MYO7A: variants seen among roughly 807,000 people sequenced by gnomAD.
The protein encoded by MYO7A is unconventional myosin-VIIa.
A neutral mutation model predicts 263.8 loss-of-function variants in MYO7A; 210 were observed. The ratio of observed to expected loss-of-function variants is 0.80; its 90% CI spans 0.71 to 0.89. MYO7A has a LOEUF of 0.89. Ranked by LOEUF, MYO7A falls within the 40% of genes least tolerant of loss-of-function variation. The pLI is 0.00. For missense variants in MYO7A, 2,820 were observed against 2,968.3 expected (o/e 0.95, Z 1.16); for synonymous variants, 1,239 against 1,197.3 (o/e 1.03, Z -0.72).
intron 2 of MYO7A, among the ~76,000 whole-genome samples, chr11:77,131,184 C>T (rs1436510426): frequency 6.6e-6 from 1 of 152,134 alleles, no homozygotes; most frequent in Admixed American, 6.5e-5. Flanking sequence ...AGCCCTTCCC[C>T]GTGATCAGTC....
rs782468791 is a variant in MYO7A, at chr11:77,184,847, T to C, written c.3503+132T>C. On this transcript the variant is annotated intron_variant, in intron 27 of 48. Transcript: ENST00000409709. Reference sequence around the variant, plus strand: ...TTCGCTGCTAGCTAGTTGGTGGAGTTAGGACCTTGGTGGAGTTATTTCATC... The same window carrying C: ...TTCGCTGCTAGCTAGTTGGTGGAGTCAGGACCTTGGTGGAGTTATTTCATC... 3.5e-6 allele frequency: 5 copies of C among 1,432,858 alleles called. No homozygotes were observed. The East Asian group carries it at 1.2e-4, about 35-fold the overall frequency. The allele number at this position is 1,432,858 out of a possible 1,614,324, so 88.8% of individuals were successfully genotyped here.
chr11:77,206,943 T>G, intron 41 of MYO7A: 1 of 197,398 alleles, frequency 5.1e-6, no homozygotes. Context: ...CCCTCCGCTT[T>G]TGGGTTTGCT....
intron 2 of MYO7A, among the ~76,000 whole-genome samples, chr11:77,141,552 GAATAA>G (rs1217295639): frequency 6.6e-6 from 1 of 152,160 alleles, no homozygotes; most frequent in Non-Finnish European, 1.5e-5. Flanking sequence ...ATTAGGATTA[GAATAA>G]AATCTAAGCT....
At chr11:77,157,531 A>C in intron 8 of MYO7A, 139 bp downstream of exon 8, 1 of 632,032 alleles carries the variant, frequency 1.6e-6, no homozygotes, top group South Asian at 2.1e-5. Context: ...CTGGACACCA[A>C]GGAGAAGTGG....
chr11:77,156,712 C>T lies in MYO7A; in HGVS notation c.523C>T (p.Leu175=), dbSNP rs2135235926. 1 of 1,613,990 alleles carries T rather than the reference C, an allele frequency of 6.2e-7. No homozygotes were observed. Among genetic ancestry groups the T allele is most frequent in the Non-Finnish European group, 8.5e-7 (1 of 1,179,896 alleles). Residue 175 remains leucine (L), a synonymous_variant, in exon 6 of 49, where the codon CTG becomes TTG. Coordinates refer to ENST00000409709, the MANE Select transcript of MYO7A (RefSeq NM_000260.4). The part of the protein sequence containing the change: ...TESTKLILQF[L]AAISGQHSWI... ...GAGCACAAAGCTGATCCTGCAGTTC[C>T]TGGCAGCCATCAGTGGGCAGCACTC...
chr11:77,214,461 T>G, intron 48 of MYO7A, 146 bp from the exon 49 acceptor site: 1 of 669,000 alleles, frequency 1.5e-6, no homozygotes, highest in Non-Finnish European at 2.7e-6. Context: ...CCTTCAATTG[T>G]GCAGATGGGA....
intron 47 of MYO7A, among the ~76,000 whole-genome samples, chr11:77,213,396 G>C (rs532060081): frequency 6.6e-5 from 10 of 152,340 alleles, no homozygotes; most frequent in African/African-American, 1.7e-4. Flanking sequence ...CAGAGGGTCC[G>C]ACTGGACAGG....
At chr11:77,140,632 G>C (rs1229318314) in intron 2 of MYO7A, among the ~76,000 whole-genome samples, 2 of 152,198 alleles carry the variant, frequency 1.3e-5, no homozygotes, top group African/African-American at 4.8e-5. Context: ...CAGGCCAGTG[G>C]GGAAGGGGAG....
At chr11:77,201,708 T>C in intron 36 of MYO7A, 70 bp downstream of exon 36, 1 of 1,491,696 alleles carries the variant, frequency 6.7e-7, no homozygotes, top group Admixed American at 1.8e-5. Context: ...TTCCCACAGC[T>C]GTACAATAGG....
intron 30 of MYO7A, 58 bp downstream of exon 30, chr11:77,190,928 G>C (rs913964235): frequency 6.8e-7 from 1 of 1,464,278 alleles, no homozygotes; most frequent in South Asian, 1.3e-5. Flanking sequence ...CCCACTCCGG[G>C]CTGCCAGTGC....
intron 18 of MYO7A, among the ~76,000 whole-genome samples, chr11:77,176,490 G>A (rs1954663824): frequency 6.6e-6 from 1 of 152,198 alleles, no homozygotes; most frequent in South Asian, 2.1e-4. Flanking sequence ...AAACCAGGCA[G>A]CTAGGAAGCA....
At chr11:77,161,193 A>G (rs1167484795) in intron 12 of MYO7A, 78 bp downstream of exon 12, 3 of 1,568,310 alleles carry the variant, frequency 1.9e-6, no homozygotes, top group Non-Finnish European at 2.6e-6. Context: ...TCCCTTGCGA[A>G]GCACATTTAG....
intron 12 of MYO7A, 142 bp downstream of exon 12, chr11:77,161,257 C>T: frequency 1.9e-6 from 2 of 1,063,796 alleles, no homozygotes; most frequent in Non-Finnish European, 2.7e-6. Context: ...GGACCCTCTC[C>T]CTTTCCTTCC....
Position 77,192,965 on chromosome 11 carries a change from A to ATGGAGGTAGTGATGGTGTTGTTGGTGT in MYO7A, c.4152+690_4152+691insAGGTAGTGATGGTGTTGTTGGTGTTGG, listed in dbSNP as rs1956254618. On this transcript the variant is annotated intron_variant, in intron 31 of 48. Transcript: ENST00000409709. The stretch of plus-strand genomic sequence containing the variant: ...GGTGGAGGTAGTGATGGTGTTGGTG[A>ATGGAGGTAGTGATGGTGTTGTTGGTGT]TGGTGGAGGTAGTTGTGATGGTGGA... 1.8e-4 allele frequency among the ~76,000 whole-genome samples: 2 copies of ATGGAGGTAGTGATGGTGTTGTTGGTGT among 11,092 alleles called. 1 individual carries two copies. Among genetic ancestry groups the ATGGAGGTAGTGATGGTGTTGTTGGTGT allele is most frequent in the African/African-American group, 1.0e-3 (2 of 1,930 alleles). The allele number at this position is 11,092 out of a possible 152,430, so 7.3% of individuals were successfully genotyped here.
chr11:77,164,554 C>G (rs1555071345), intron 14 of MYO7A, among the ~76,000 whole-genome samples: 10 of 152,122 alleles, frequency 6.6e-5, no homozygotes, highest in Non-Finnish European at 5.9e-5. Context: ...GGCTCAGATT[C>G]CCTTACAATA....
chr11:77,162,825 G>A (rs1953126342), intron 13 of MYO7A, 28 bp from the exon 14 acceptor site: 1 of 1,600,274 alleles, frequency 6.2e-7, no homozygotes, highest in Non-Finnish European at 8.5e-7. Flanking sequence ...GGAGAGGGTG[G>A]GCTCACAGCT....
rs782098316 is a variant in MYO7A, at chr11:77,142,739, G to A, written c.49G>A (p.Gly17Arg). Residue 17 changes from glycine (G) to arginine (R), a missense_variant, in exon 3 of 49, where the codon GGG becomes AGG. Gly to Arg is a moderately radical substitution (Grantham distance 125). Coordinates refer to ENST00000409709, the MANE Select transcript of MYO7A (RefSeq NM_000260.4). ...CCATGTGTGGATGGACCTGAGATTG[G>A]GGCAGGAGTTCGACGTGCCCATCGG... ...GDHVWMDLRL[G>R]QEFDVPIGAV... The A allele has an allele frequency of 3.1e-6, 5 of 1,611,716 alleles. No individual in the cohort carries two copies. Among genetic ancestry groups the A allele is most frequent in the Admixed American group, 1.7e-5 (1 of 59,792 alleles).
chr11:77,182,241 G>A, intron 24 of MYO7A, 87 bp downstream of exon 24: 7 of 1,537,690 alleles, frequency 4.6e-6, no homozygotes, highest in Non-Finnish European at 6.2e-6. Flanking sequence ...CGTAGGTGAT[G>A]AGGGTGGTGG....
At chr11:77,139,280 G>C (rs1951062287) in intron 2 of MYO7A, 1 of 152,266 alleles carries the variant, frequency 6.6e-6, no homozygotes, top group East Asian at 1.9e-4. Flanking sequence ...CCCCACAGGG[G>C]TTTTGGAGTA....
Sources: allele counts gnomAD v4.1 joint callset (sites outside exome capture counted in the v4.1 genomes callset), GRCh38; gene constraint gnomAD v4.1.1; transcripts MANE v1.5; gene names NCBI Gene and HGNC (gene_info 2026-07-23, HGNC 2026-07-21).